CDKN2A: variants seen among roughly 807,000 people sequenced by gnomAD.
CDKN2A encodes cyclin-dependent kinase inhibitor 2A.
In CDKN2A, 3 loss-of-function variants were observed where a neutral mutation model predicts 11.1. That is an observed-to-expected ratio of 0.27 (90% confidence interval 0.12 to 0.70). The LOEUF (loss-of-function observed/expected upper bound fraction) is 0.70. Among genes scored for constraint, CDKN2A ranks in the 30% least tolerant of loss-of-function variants. The pLI is 0.77. For synonymous variants in CDKN2A, 122 were observed against 108.1 expected (o/e 1.13, Z -0.80); for missense variants, 265 against 233.6 (o/e 1.13, Z -0.88).
chr9:21,991,664 T>C lies in CDKN2A; in HGVS notation c.-4+2218A>G. The C allele has an allele frequency of 1.2e-5, 12 of 984,700 alleles. No homozygotes were observed. Among genetic ancestry groups the C allele is most frequent in the Non-Finnish European group, 1.4e-5 (12 of 829,228 alleles). 61.0% of individuals were successfully genotyped at this position (984,700 alleles called of 1,614,324 possible). On this transcript the variant is annotated intron_variant, in intron 2 of 3. Coordinates refer to the CDKN2A transcript ENST00000494262. This position sits in a 1 kb window ranked among gnomAD's most constrained non-coding sequence, Gnocchi z 5.2. ...ATCATGGTAGTTGATAGTGATGAAC[T>C]AACGTGGAATAATAGATCTGTAAAC...
At chr9:21,994,769 A>T in intron 1 of CDKN2A, 1 of 172,528 alleles carries the variant, frequency 5.8e-6, no homozygotes. Flanking sequence ...CCTGGAACGC[A>T]ACTCCAGGCA....
At chr9:21,992,078 T>C in intron 2 of CDKN2A, 2 of 897,928 alleles carry the variant, frequency 2.2e-6, no homozygotes, top group Non-Finnish European at 2.7e-6. Context: ...GGAATTTTAG[T>C]ATATGTATTT....
In CDKN2A at chr9:21,968,549, TA is replaced by T; in HGVS notation, c.458-308del. The T allele has an allele frequency of 1.4e-6, 2 of 1,456,804 alleles. No individual in the cohort carries two copies. Among genetic ancestry groups the T allele is most frequent in the East Asian group, 2.5e-5 (1 of 40,410 alleles). 90.2% of individuals were successfully genotyped at this position (1,456,804 alleles called of 1,614,324 possible). ...GGTTGCAAGAAGAAAACGAGTGTTA[TA>T]TAATGAGTCTCAGTGGTTGCTCACA... On this transcript the variant is annotated intron_variant, in intron 2 of 2. Coordinates refer to ENST00000304494, the MANE Select transcript of CDKN2A (RefSeq NM_000077.5). The surrounding 1 kb of genome is among the most constrained non-coding windows in gnomAD (Gnocchi z 4.7).
chr9:21,981,450 G>A (rs1214542055), intron 2 of CDKN2A, among the ~76,000 whole-genome samples: 1 of 151,916 alleles, frequency 6.6e-6, no homozygotes, highest in Non-Finnish European at 1.5e-5. Context: ...AGGTACAGCT[G>A]TGTTAAGCCT....
rs1329324238 is a variant in CDKN2A, at chr9:21,974,766, G to T, written c.62C>A (p.Ala21Asp). 6.2e-7 allele frequency: 1 copy of T among 1,608,310 alleles called. No individual in the cohort carries two copies. Among genetic ancestry groups the T allele is most frequent in the Admixed American group, 1.7e-5 (1 of 59,926 alleles). The change falls in exon 1 of 3, where the codon GCC becomes GAC. Residue 21 changes from alanine to aspartate, a missense_variant. By Grantham distance (126) the Ala-to-Asp change is moderately radical. Coordinates refer to ENST00000304494, the MANE Select transcript of CDKN2A (RefSeq NM_000077.5). The surrounding 1 kb of genome is among the most constrained non-coding windows in gnomAD (Gnocchi z 5.2). ...CCGCACCTCCTCTACCCGACCCCGGGCCGCGGCCGTGGCCAGCCAGTCAGC... is the reference window on the plus strand; with the variant it reads ...CCGCACCTCCTCTACCCGACCCCGGTCCGCGGCCGTGGCCAGCCAGTCAGC... The part of the protein sequence containing the change: ...PSADWLATAA[A>D]RGRVEEVRAL...
At chr9:21,986,552 T>C (rs1820301686) in intron 2 of CDKN2A, among the ~76,000 whole-genome samples, 3 of 151,974 alleles carry the variant, frequency 2.0e-5, no homozygotes, top group African/African-American at 7.2e-5. Flanking sequence ...TACTAGTCAA[T>C]GACTTTTGGT....
intron 1 of CDKN2A, among the ~76,000 whole-genome samples, chr9:21,973,778 A>G (rs1328772876): frequency 1.3e-5 from 2 of 152,270 alleles, no homozygotes; most frequent in Non-Finnish European, 2.9e-5. Context: ...TGATCACATG[A>G]ATGTGGCTCA....
intron 2 of CDKN2A, chr9:21,969,865 G>C (rs2131086839): frequency 2.5e-6 from 1 of 398,142 alleles, no homozygotes; most frequent in African/African-American, 2.1e-5. Flanking sequence ...TAACTTCGAA[G>C]GTGATTTTGC....
chr9:21,994,436 C>T (rs1216890338), intron 1 of CDKN2A: 2 of 1,576,126 alleles, frequency 1.3e-6, no homozygotes, highest in South Asian at 1.2e-5. Flanking sequence ...CTGGGACCCA[C>T]GCACCGCCCC....
intron 2 of CDKN2A, among the ~76,000 whole-genome samples, chr9:21,983,189 A>G (rs1403669482): frequency 6.6e-6 from 1 of 152,066 alleles, no homozygotes; most frequent in African/African-American, 2.4e-5. Context: ...CCTGAAAGTC[A>G]CTTAATTCAG....
At position 21,968,517 on chromosome 9, in the gene CDKN2A, C is replaced by T. The variant is rs952518206; in HGVS notation, c.458-275G>A. ...GGGCAGAGAAAGCGCGACCGCGCGG[C>T]CCGCAGGGTTGCAAGAAGAAAACGA... On this transcript the variant is annotated intron_variant, in intron 2 of 2. Coordinates refer to ENST00000304494, the MANE Select transcript of CDKN2A (RefSeq NM_000077.5). The surrounding 1 kb of genome is among the most constrained non-coding windows in gnomAD (Gnocchi z 4.7). 17 of 1,450,512 alleles carry T rather than the reference C, an allele frequency of 1.2e-5. No homozygotes were observed. The highest frequency in any genetic ancestry group is 1.4e-5 in the Non-Finnish European group (16 of 1,109,100). The allele number at this position is 1,450,512 out of a possible 1,614,324, so 89.9% of individuals were successfully genotyped here.
intron 1 of CDKN2A, chr9:21,994,767 G>T (rs1167192897): frequency 5.6e-6 from 1 of 177,230 alleles, no homozygotes; most frequent in Non-Finnish European, 1.1e-5. Context: ...CGCCTGGAAC[G>T]CAACTCCAGG....
At position 21,968,117 on chromosome 9, in the gene CDKN2A, T is replaced by C. The variant is rs1819497115; in HGVS notation, c.*112A>G. Reference sequence around the variant, plus strand: ...ATTTTTAAAAGCTCTATTTTCTAAATGAAAACTACGAAAGCGGGGTGGGTT... The same window carrying C: ...ATTTTTAAAAGCTCTATTTTCTAAACGAAAACTACGAAAGCGGGGTGGGTT... On this transcript the variant is annotated 3_prime_UTR_variant, in exon 3 of 3. Coordinates refer to ENST00000304494, the MANE Select transcript of CDKN2A (RefSeq NM_000077.5). The surrounding 1 kb of genome is among the most constrained non-coding windows in gnomAD (Gnocchi z 4.7). The C allele has an allele frequency of 2.1e-6, 2 of 937,394 alleles. No individual in the cohort carries two copies. The highest frequency in any genetic ancestry group is 3.5e-6 in the Non-Finnish European group (2 of 563,732). The allele number at this position is 937,394 out of a possible 1,614,324, so 58.1% of individuals were successfully genotyped here. A position where few individuals can be genotyped will look rare whatever the true frequency, so the allele number is the denominator to read the frequency against.
Position 21,988,804 on chromosome 9 carries a change from TG to T in CDKN2A, c.-4+5077del, listed in dbSNP as rs1168090854. On this transcript the variant is annotated intron_variant, in intron 2 of 3. Transcript: ENST00000494262. The surrounding 1 kb of genome is among the most constrained non-coding windows in gnomAD (Gnocchi z 4.1). ...CACTATATTTTTAAAAATACCACTATGTACAAGGCACTGTGCTATATCTGGA... is the reference window on the plus strand; with the variant it reads ...CACTATATTTTTAAAAATACCACTATTACAAGGCACTGTGCTATATCTGGA... 1.3e-5 allele frequency among the ~76,000 whole-genome samples: 2 copies of T among 152,222 alleles called. No individual in the cohort carries two copies. Among genetic ancestry groups the T allele is most frequent in the African/African-American group, 4.8e-5 (2 of 41,456 alleles).
At position 21,988,405 on chromosome 9, in the gene CDKN2A, C is replaced by T. The variant is rs969968395; in HGVS notation, c.-4+5477G>A. ...TCAATCCTGTAGTTGATGGCTTTCA[C>T]TTTTTTTTCCCTTTTATTACTTCTT... On this transcript the variant is annotated intron_variant, in intron 2 of 3. Coordinates refer to the CDKN2A transcript ENST00000494262. This position sits in a 1 kb window ranked among gnomAD's most constrained non-coding sequence, Gnocchi z 4.1. 6.6e-6 allele frequency among the ~76,000 whole-genome samples: 1 copy of T among 151,982 alleles called. No homozygotes were observed. Among genetic ancestry groups the T allele is most frequent in the Non-Finnish European group, 1.5e-5 (1 of 67,988 alleles).
upstream of CDKN2A, among the ~76,000 whole-genome samples, chr9:21,977,520 C>T (rs891371294): frequency 3.3e-5 from 5 of 152,166 alleles, no homozygotes; most frequent in Admixed American, 6.5e-5. Context: ...CACATGCTGC[C>T]ATACCCAGCT....
chr9:21,969,390 T>C (rs1457994708), intron 2 of CDKN2A, among the ~76,000 whole-genome samples: 1 of 152,108 alleles, frequency 6.6e-6, no homozygotes, highest in African/African-American at 2.4e-5. Context: ...TGTCTCCAAA[T>C]GTAAACCCCA....
chr9:21,970,786 T>G, intron 2 of CDKN2A, 116 bp downstream of exon 2: 61 of 1,307,158 alleles, frequency 4.7e-5, no homozygotes, highest in Non-Finnish European at 6.1e-5. Flanking sequence ...GATTGGCGCG[T>G]GAGCTGAGGC....
In CDKN2A at chr9:21,988,204, C is replaced by T. The variant is rs1172238477; in HGVS notation, c.-4+5678G>A. On this transcript the variant is annotated intron_variant, in intron 2 of 3. Transcript: ENST00000494262. The surrounding 1 kb of genome is among the most constrained non-coding windows in gnomAD (Gnocchi z 4.1). ...AAAAAAATCCTACTGCCTTCACAAC[C>T]ATTTAAATAATTTATGATATTTTAT... Among the ~76,000 whole-genome samples, 1 of 152,064 alleles carries T rather than the reference C, an allele frequency of 6.6e-6. No individual in the cohort carries two copies. Among genetic ancestry groups the T allele is most frequent in the Non-Finnish European group, 1.5e-5 (1 of 68,014 alleles).
Sources: allele counts gnomAD v4.1 joint callset (sites outside exome capture counted in the v4.1 genomes callset), GRCh38; gene constraint gnomAD v4.1.1; non-coding constraint Gnocchi (gnomAD v3.1); transcripts MANE v1.5; gene names NCBI Gene and HGNC (gene_info 2026-07-23, HGNC 2026-07-21).